Variants in MALRD1 observed in about 807,000 individuals in gnomAD.
The protein encoded by MALRD1 is MAM and LDL receptor class A domain containing 1, also known as MAM and LDL-receptor class A domain-containing protein 1.
MALRD1 carries 247 observed loss-of-function variants against 242.1 expected under a neutral mutation model. That is an observed-to-expected ratio of 1.02 (90% confidence interval 0.92 to 1.13). MALRD1 has a LOEUF of 1.13. Among genes scored for constraint, MALRD1 ranks in the 50% most tolerant of loss-of-function variants. The probability of loss-of-function intolerance (pLI) is 0.00; values close to 1 mark genes in which losing one functional copy is unlikely to be tolerated. For missense variants in MALRD1, 2,989 were observed against 2,533.1 expected (o/e 1.18, Z -3.86); for synonymous variants, 995 against 866.6 (o/e 1.15, Z -2.60).
intron 2 of MALRD1, among the ~76,000 whole-genome samples, chr10:19,073,612 G>A (rs1835226197): frequency 6.6e-6 from 1 of 152,086 alleles, no homozygotes; most frequent in Admixed American, 6.6e-5. Flanking sequence ...ATGTGAATAA[G>A]GTGTATATGA....
At chr10:19,521,628 A>G (rs941185253) in intron 31 of MALRD1, among the ~76,000 whole-genome samples, 3 of 152,136 alleles carry the variant, frequency 2.0e-5, no homozygotes, top group Non-Finnish European at 4.4e-5. Context: ...AATATTTTAG[A>G]AGATTCAGTC....
At position 19,491,497 on chromosome 10, in the gene MALRD1, G is replaced by T; in HGVS notation, c.5030-20G>T. 3 of 1,546,814 alleles carry T rather than the reference G, an allele frequency of 1.9e-6. No individual in the cohort carries two copies. The highest frequency in any genetic ancestry group is 2.6e-6 in the Non-Finnish European group (3 of 1,145,512). ...AAAATATTGATGGAATACTGCTTTTGTTTTTTTGTTTTTCCCTAGTGGGAG... is the reference window on the plus strand; with the variant it reads ...AAAATATTGATGGAATACTGCTTTTTTTTTTTTGTTTTTCCCTAGTGGGAG... On this transcript the variant is annotated intron_variant, in intron 29 of 39. Coordinates refer to ENST00000454679, the MANE Select transcript of MALRD1 (RefSeq NM_001142308.3).
At chr10:19,309,958 C>G (rs1842359856) in intron 21 of MALRD1, among the ~76,000 whole-genome samples, 1 of 151,366 alleles carries the variant, frequency 6.6e-6, no homozygotes, top group East Asian at 2.0e-4. Flanking sequence ...ACCAGATTGC[C>G]CCATCCAAAA....
intron 28 of MALRD1, among the ~76,000 whole-genome samples, chr10:19,427,297 A>G (rs1383117088): frequency 6.6e-6 from 1 of 152,200 alleles, no homozygotes; most frequent in Non-Finnish European, 1.5e-5. Context: ...CAGCTCTTTC[A>G]TAATATTAAA....
chr10:19,544,412 T>C (rs1237919915), intron 32 of MALRD1, among the ~76,000 whole-genome samples: 1 of 152,064 alleles, frequency 6.6e-6, no homozygotes, highest in Non-Finnish European at 1.5e-5. Context: ...GGTCTCGAAC[T>C]CCTGACCTCA....
intron 24 of MALRD1, among the ~76,000 whole-genome samples, chr10:19,346,208 C>A (rs1844114763): frequency 6.6e-6 from 1 of 152,076 alleles, no homozygotes; most frequent in South Asian, 2.1e-4. Flanking sequence ...AACAAACAAA[C>A]AAAAACCTCA....
At chr10:19,146,012 G>A (rs1833714647) in intron 10 of MALRD1, among the ~76,000 whole-genome samples, 186 bp from the exon 11 acceptor site, 2 of 152,150 alleles carry the variant, frequency 1.3e-5, no homozygotes, top group Admixed American at 1.3e-4. Flanking sequence ...GAAGGGTCAT[G>A]CCTCACACAG....
chr10:19,265,997 A>G (rs1249086769), intron 19 of MALRD1, among the ~76,000 whole-genome samples: 1 of 151,788 alleles, frequency 6.6e-6, no homozygotes, highest in African/African-American at 2.4e-5. Context: ...TTTTTTGCTT[A>G]AAGTATATTT....
intron 11 of MALRD1, among the ~76,000 whole-genome samples, chr10:19,153,473 T>C (rs1410132620): frequency 1.3e-5 from 2 of 152,112 alleles, no homozygotes; most frequent in African/African-American, 4.8e-5. Flanking sequence ...CCCAGCACTT[T>C]GAAGGGCCAA....
intron 14 of MALRD1, among the ~76,000 whole-genome samples, chr10:19,184,012 A>G (rs1038677687): frequency 2.0e-5 from 3 of 152,198 alleles, no homozygotes; most frequent in Admixed American, 2.0e-4. Flanking sequence ...CCTACATAGC[A>G]TGACAGATAC....
intron 4 of MALRD1, among the ~76,000 whole-genome samples, chr10:19,102,100 C>CATATATGATATATGATATAAATTATATA (rs1482934355): frequency 1.4e-3 from 198 of 141,458 alleles, no homozygotes; most frequent in African/African-American, 3.5e-3. Flanking sequence ...ATTATTATAT[C>CATATATGATATATGATATAAATTATATA]ATATATGATA....
intron 31 of MALRD1, among the ~76,000 whole-genome samples, chr10:19,508,624 A>G (rs1030772294): frequency 1.3e-5 from 2 of 152,224 alleles, no homozygotes; most frequent in East Asian, 3.8e-4. Flanking sequence ...TCAAATATGT[A>G]GTAACAAGCA....
At chr10:19,661,434 A>T (rs1212006670) in intron 36 of MALRD1, among the ~76,000 whole-genome samples, 2 of 152,182 alleles carry the variant, frequency 1.3e-5, no homozygotes, top group East Asian at 3.8e-4. Flanking sequence ...GCACATATAC[A>T]CCGTGGAATA....
chr10:19,147,868 G>A (rs1833779722), intron 11 of MALRD1, among the ~76,000 whole-genome samples: 2 of 152,210 alleles, frequency 1.3e-5, no homozygotes, highest in Admixed American at 1.3e-4. Context: ...AGAGAGGTGG[G>A]AGGGATCATG....
At chr10:19,257,533 C>T in intron 18 of MALRD1, 151 bp from the exon 19 acceptor site, 2 of 526,002 alleles carry the variant, frequency 3.8e-6, no homozygotes, top group Admixed American at 3.4e-5. Flanking sequence ...GCAAGATGAC[C>T]ACTTCTGGAG....
intron 12 of MALRD1, among the ~76,000 whole-genome samples, chr10:19,159,793 C>T (rs989603192): frequency 3.9e-5 from 6 of 152,022 alleles, no homozygotes; most frequent in Admixed American, 1.3e-4. Flanking sequence ...AGACTGTCAC[C>T]CCCTCTCCAG....
intron 28 of MALRD1, among the ~76,000 whole-genome samples, chr10:19,441,646 G>A (rs1258361232): frequency 6.6e-6 from 1 of 152,152 alleles, no homozygotes; most frequent in African/African-American, 2.4e-5. Flanking sequence ...GGTTGTAGAT[G>A]TGTGGTATTA....
intron 31 of MALRD1, among the ~76,000 whole-genome samples, chr10:19,502,147 A>G (rs541549202): frequency 2.0e-5 from 3 of 152,118 alleles, no homozygotes; most frequent in Non-Finnish European, 4.4e-5. Context: ...TGAATATATT[A>G]AGGTTTGCCA....
intron 32 of MALRD1, among the ~76,000 whole-genome samples, chr10:19,545,588 C>T (rs1376821980): frequency 6.6e-6 from 1 of 152,150 alleles, no homozygotes; most frequent in Admixed American, 6.5e-5. Flanking sequence ...GACTTTTACA[C>T]TACCTACTTT....
Sources: allele counts gnomAD v4.1 joint callset (sites outside exome capture counted in the v4.1 genomes callset), GRCh38; gene constraint gnomAD v4.1.1; transcripts MANE v1.5; gene names NCBI Gene and HGNC (gene_info 2026-07-23, HGNC 2026-07-21).